Variants in LEPR observed in about 807,000 individuals in gnomAD.
The protein encoded by LEPR is OB receptor.
Under a neutral mutation model 114.7 loss-of-function variants are expected in LEPR, and 56 were observed. The observed-to-expected ratio is 0.49, with a 90% CI of 0.39 to 0.61. LEPR has a LOEUF of 0.61. Ranked by LOEUF, LEPR falls within the 20% of genes least tolerant of loss-of-function variation. The probability of loss-of-function intolerance (pLI) is 0.00; values close to 1 mark genes in which losing one functional copy is unlikely to be tolerated. For missense variants in LEPR, 1,202 were observed against 1,352.9 expected, an observed-to-expected ratio of 0.89 and a Z score of 1.75; for synonymous variants, 443 against 461.4, an observed-to-expected ratio of 0.96 and a Z score of 0.51.
chr1:65,549,729 A>C (rs1198562023), intron 2 of LEPR, among the ~76,000 whole-genome samples: 1 of 152,022 alleles, frequency 6.6e-6, no homozygotes, highest in African/African-American at 2.4e-5. Context: ...TTTTTTTCAA[A>C]GTTTTCAACT....
intron 2 of LEPR, among the ~76,000 whole-genome samples, chr1:65,450,526 G>A (rs1646770205): frequency 7.0e-6 from 1 of 143,092 alleles, no homozygotes; most frequent in African/African-American, 2.6e-5. Context: ...AATATGCAGT[G>A]TTTGGTTTTT....
At chr1:65,456,111 G>A (rs1037472762) in intron 2 of LEPR, among the ~76,000 whole-genome samples, 2 of 152,108 alleles carry the variant, frequency 1.3e-5, no homozygotes, top group Non-Finnish European at 2.9e-5. Flanking sequence ...TGCGCTTCCC[G>A]AGTGAGGCAA....
intron 2 of LEPR, among the ~76,000 whole-genome samples, chr1:65,478,451 G>A (rs1196931875): frequency 1.3e-5 from 2 of 152,198 alleles, no homozygotes; most frequent in Non-Finnish European, 2.9e-5. Context: ...TTCCCAAATT[G>A]TTTTGTGTGG....
intron 14 of LEPR, among the ~76,000 whole-genome samples, chr1:65,610,890 G>C (rs1312013333): frequency 6.6e-6 from 1 of 152,196 alleles, no homozygotes; most frequent in Non-Finnish European, 1.5e-5. Context: ...TGAAGTCAAA[G>C]AGTATTTCTG....
At position 65,565,595 on chromosome 1, in the gene LEPR, G is replaced by C. The variant is rs1390307326; in HGVS notation, c.30G>C (p.Leu10Phe). 1 of 1,613,840 alleles carries C rather than the reference G, an allele frequency of 6.2e-7. No individual in the cohort carries two copies. Among genetic ancestry groups the C allele is most frequent in the Non-Finnish European group, 8.5e-7 (1 of 1,179,918 alleles). MICQKFCVV[L>F]LHWEFIYVIT... ...TTTGTCAAAAATTCTGTGTGGTTTT[G>C]TTACATTGGGGTAAGTTATTTGCTC... The change falls in exon 3 of 20, where the codon TTG becomes TTC. Residue 10 changes from leucine (L) to phenylalanine (F), a missense_variant. Leu to Phe is a conservative substitution (Grantham distance 22). Coordinates refer to ENST00000349533, the MANE Select transcript of LEPR (RefSeq NM_002303.6).
chr1:65,623,094 T>A, intron 19 of LEPR, 113 bp downstream of exon 19: 1 of 1,000,210 alleles, frequency 1.0e-6, no homozygotes, highest in South Asian at 1.5e-5. Flanking sequence ...TTTTATTCAA[T>A]TCATCTTAAT....
chr1:65,622,898 CT>C lies in LEPR; in HGVS notation c.2598-5del. ...CTCTAATTTTGATGCCCTGTTTATC[CT>C]TTGTAGAATGAAAAAGCTATTTTGG... On this transcript the variant is annotated splice_region_variant and splice_polypyrimidine_tract_variant and intron_variant, in intron 18 of 19. Transcript: ENST00000349533. 1 of 1,613,710 alleles carries C rather than the reference CT, an allele frequency of 6.2e-7. No individual in the cohort carries two copies. The highest frequency in any genetic ancestry group is 8.5e-7 in the Non-Finnish European group (1 of 1,179,814).
intron 2 of LEPR, among the ~76,000 whole-genome samples, chr1:65,501,332 T>C (rs1648438934): frequency 6.6e-6 from 1 of 151,802 alleles, no homozygotes; most frequent in South Asian, 2.1e-4. Flanking sequence ...TAGCTTTTGG[T>C]AGCCTCAGGC....
At chr1:65,432,642 G>A in intron 2 of LEPR, 5 of 984,848 alleles carry the variant, frequency 5.1e-6, no homozygotes, top group Non-Finnish European at 6.0e-6. Context: ...TATTTAGGCA[G>A]TTCCTCAAAT....
intron 2 of LEPR, among the ~76,000 whole-genome samples, chr1:65,455,042 A>T (rs1490453214): frequency 6.6e-6 from 1 of 151,988 alleles, no homozygotes; most frequent in Non-Finnish European, 1.5e-5. Flanking sequence ...TTCATCTTCC[A>T]TCGCTGATAC....
At chr1:65,480,854 A>G (rs1647218386) in intron 2 of LEPR, among the ~76,000 whole-genome samples, 1 of 152,184 alleles carries the variant, frequency 6.6e-6, no homozygotes. Context: ...AAAAGAAAAG[A>G]TATGAATAAG....
intron 17 of LEPR, among the ~76,000 whole-genome samples, chr1:65,621,147 A>G (rs1441237841): frequency 5.9e-5 from 9 of 152,244 alleles, no homozygotes; most frequent in Admixed American, 5.9e-4. Flanking sequence ...TTGCTAATTT[A>G]CAGTAGATAT....
chr1:65,637,533 G>A lies in LEPR; in HGVS notation c.*518G>A, dbSNP rs902832002. 1.3e-5 allele frequency: 2 copies of A among 153,248 alleles called. No homozygotes were observed. Among genetic ancestry groups the A allele is most frequent in the African/African-American group, 4.8e-5 (2 of 41,416 alleles). The allele number at this position is 153,248 out of a possible 1,614,324, so 9.5% of individuals were successfully genotyped here. On this transcript the variant is annotated 3_prime_UTR_variant, in exon 20 of 20. Transcript: ENST00000349533. The stretch of plus-strand genomic sequence containing the variant: ...GGGTTATACTTGTGAAGACTAATGA[G>A]CCAATTGTTATGTACCAAATCTAAG...
At chr1:65,458,537 T>C (rs1006157261) in intron 2 of LEPR, among the ~76,000 whole-genome samples, 2 of 152,188 alleles carry the variant, frequency 1.3e-5, no homozygotes, top group Non-Finnish European at 2.9e-5. Flanking sequence ...TCCAACGTAA[T>C]ACTTATCCTT....
chr1:65,544,399 TG>T (rs375940226), intron 2 of LEPR, among the ~76,000 whole-genome samples: 135 of 152,112 alleles, frequency 8.9e-4, no homozygotes, highest in African/African-American at 2.9e-3. Context: ...AGAGACAATT[TG>T]ATTTCCTCTC....
intron 12 of LEPR, 86 bp downstream of exon 12, chr1:65,608,987 T>C: frequency 2.6e-6 from 4 of 1,543,302 alleles, no homozygotes; most frequent in Non-Finnish European, 1.8e-6. Context: ...ATTAATTTTA[T>C]TGGCATAAAA....
chr1:65,596,331 C>A, intron 6 of LEPR, 117 bp from the exon 7 acceptor site: 1 of 1,284,766 alleles, frequency 7.8e-7, no homozygotes. Flanking sequence ...GATAAAGTCA[C>A]CTTTTAAGTA....
chr1:65,601,996 G>A (rs1656469635), intron 10 of LEPR, 36 bp downstream of exon 10: 2 of 1,542,390 alleles, frequency 1.3e-6, no homozygotes, highest in East Asian at 4.5e-5. Flanking sequence ...TTTTCTGTGG[G>A]CACAGTGAGA....
chr1:65,439,369 A>G (rs1051111262), intron 2 of LEPR, among the ~76,000 whole-genome samples: 2 of 152,230 alleles, frequency 1.3e-5, no homozygotes, highest in African/African-American at 4.8e-5. Flanking sequence ...TAATTCAGAA[A>G]TAGACCCAAA....
Sources: gnomAD v4.1 joint callset for allele counts (sites outside exome capture counted in the v4.1 genomes callset) on GRCh38, gnomAD v4.1.1 for gene constraint, MANE v1.5 for transcripts, NCBI Gene and HGNC (gene_info 2026-07-23, HGNC 2026-07-21) for gene names.